The following KCNMA1 variants were observed in gnomAD, a reference collection of about 807,000 sequenced individuals.
KCNMA1 encodes the protein potassium calcium-activated channel subfamily M alpha 1.
In KCNMA1, 29 loss-of-function variants were observed where a neutral mutation model predicts 140.0. The ratio of observed to expected loss-of-function variants is 0.21; its 90% CI spans 0.15 to 0.28. KCNMA1 has a LOEUF of 0.28. Ranked by LOEUF, KCNMA1 falls within the 10% of genes least tolerant of loss-of-function variation. The pLI, the probability that KCNMA1 is intolerant of heterozygous loss-of-function variation, is 1.00. For synonymous variants in KCNMA1, 612 were observed against 611.9 expected (o/e 1.00, Z 0.00); for missense variants, 880 against 1,602.2 (o/e 0.55, Z 7.70).
At chr10:77,472,098 C>T (rs1009769874) in intron 1 of KCNMA1, among the ~76,000 whole-genome samples, 1 of 150,572 alleles carries the variant, frequency 6.6e-6, no homozygotes, top group African/African-American at 2.4e-5. Flanking sequence ...ACACACACCA[C>T]ATAAATACCC....
intron 2 of KCNMA1, among the ~76,000 whole-genome samples, chr10:77,298,003 C>T (rs1224953653): frequency 2.6e-5 from 4 of 152,120 alleles, no homozygotes; most frequent in African/African-American, 9.7e-5. Context: ...ATTTACTTTG[C>T]CTTTTCCTCA....
intron 18 of KCNMA1, among the ~76,000 whole-genome samples, chr10:77,005,832 A>G (rs549241414): frequency 2.0e-5 from 3 of 152,356 alleles, no homozygotes; most frequent in Admixed American, 2.0e-4. Context: ...CCTAATGGAC[A>G]TCATCAAAAC....
chr10:76,877,663 C>T, downstream of KCNMA1: 1 of 1,385,904 alleles, frequency 7.2e-7, no homozygotes, highest in South Asian at 1.3e-5. Context: ...AGTGATTCAG[C>T]ATGTAAGAAG....
intron 20 of KCNMA1, 68 bp from the exon 21 acceptor site, chr10:76,953,992 G>A (rs1319393505): frequency 5.9e-6 from 9 of 1,522,662 alleles, no homozygotes; most frequent in Non-Finnish European, 8.1e-6. Flanking sequence ...AGTGCCCCCT[G>A]AATTACATCT....
At chr10:77,325,553 G>A (rs1395587443) in intron 2 of KCNMA1, among the ~76,000 whole-genome samples, 1 of 152,176 alleles carries the variant, frequency 6.6e-6, no homozygotes, top group East Asian at 1.9e-4. Context: ...TAGGCAAGGA[G>A]GGAGGATGAC....
intron 1 of KCNMA1, among the ~76,000 whole-genome samples, chr10:77,516,508 G>A (rs559765241): frequency 6.6e-6 from 1 of 152,248 alleles, no homozygotes; most frequent in Non-Finnish European, 1.5e-5. Context: ...TATGCCCGGT[G>A]CAGAGGACAG....
In KCNMA1 at chr10:76,944,760, AG is replaced by A. The variant is rs1467694114; in HGVS notation, c.2902+12del. On this transcript the variant is annotated intron_variant, in intron 23 of 27. Transcript: ENST00000286628. ...TGCAGGCACAGCAAAGAAGTATTACAGGCTGTCCTTACCTTGGGAATTAGCC... is the reference window on the plus strand; with the variant it reads ...TGCAGGCACAGCAAAGAAGTATTACAGCTGTCCTTACCTTGGGAATTAGCC... 1.9e-6 allele frequency: 3 copies of A among 1,612,392 alleles called. No homozygotes were observed. Among genetic ancestry groups the A allele is most frequent in the South Asian group, 2.2e-5 (2 of 91,032 alleles).
intron 6 of KCNMA1, among the ~76,000 whole-genome samples, chr10:77,114,378 C>A (rs1254642363): frequency 6.6e-6 from 1 of 152,170 alleles, no homozygotes; most frequent in Non-Finnish European, 1.5e-5. Context: ...TGTTCAGTCC[C>A]ACTGGGGTAT....
intron 3 of KCNMA1, among the ~76,000 whole-genome samples, chr10:77,195,885 G>C (rs908397347): frequency 6.6e-6 from 1 of 152,194 alleles, no homozygotes; most frequent in Admixed American, 6.5e-5. Flanking sequence ...GGTGGTAGAG[G>C]TTGCAGTGAG....
At chr10:77,325,779 A>G (rs911251518) in intron 2 of KCNMA1, among the ~76,000 whole-genome samples, 1 of 152,110 alleles carries the variant, frequency 6.6e-6, no homozygotes, top group Non-Finnish European at 1.5e-5. Context: ...TCGCCATACC[A>G]TTCTCCACAG....
chr10:77,492,146 G>C lies in KCNMA1; in HGVS notation c.379-88123C>G, dbSNP rs11594764. Reference sequence around the variant, plus strand: ...AACCTTCAGTGCTTGCCGACAGAGTGCAGGTGAAAATCCACACTGCTAATG... The same window carrying C: ...AACCTTCAGTGCTTGCCGACAGAGTCCAGGTGAAAATCCACACTGCTAATG... On this transcript the variant is annotated intron_variant, in intron 1 of 27. Coordinates refer to ENST00000286628, the MANE Select transcript of KCNMA1 (RefSeq NM_001161352.2). Among the ~76,000 whole-genome samples the C allele has an allele frequency of 5.9e-3, 901 of 152,314 alleles. 5 individuals are homozygous for C. The highest frequency in any genetic ancestry group is 0.01 in the Non-Finnish European group (688 of 68,030).
At position 77,491,750 on chromosome 10, in the gene KCNMA1, CA is replaced by C. The variant is rs1441320082; in HGVS notation, c.379-87728del. On this transcript the variant is annotated intron_variant, in intron 1 of 27. Transcript: ENST00000286628. ...ACACACACACACACACACACACACA[CA>C]CACCCTACATATACCACCAGGGAGT... Among the ~76,000 whole-genome samples the C allele has an allele frequency of 2.6e-4, 38 of 148,588 alleles. No individual in the cohort carries two copies. The East Asian group carries it at 4.3e-3, about 17-fold the overall frequency.
At chr10:77,359,288 G>GAAACGAGTGTGTCGGTATGTGTGTGA (rs2093750077) in intron 2 of KCNMA1, among the ~76,000 whole-genome samples, 1 of 152,188 alleles carries the variant, frequency 6.6e-6, no homozygotes, top group East Asian at 1.9e-4. Flanking sequence ...CCAGGAAGAA[G>GAAACGAGTGTGTCGGTATGTGTGTGA]AAACGAGTGT....
chr10:77,354,977 CA>C (rs776745740), intron 2 of KCNMA1, among the ~76,000 whole-genome samples: 14 of 152,174 alleles, frequency 9.2e-5, no homozygotes, highest in Non-Finnish European at 1.5e-4. Flanking sequence ...TGTCCCCACC[CA>C]AATCTCATCT....
chr10:77,348,263 T>C (rs111962967), intron 2 of KCNMA1, among the ~76,000 whole-genome samples: 3,872 of 152,312 alleles, frequency 0.025, 154 homozygotes, highest in African/African-American at 0.088. Flanking sequence ...CGATTCGAGA[T>C]GTACCAAGTC....
At chr10:77,505,435 C>T (rs1294114227) in intron 1 of KCNMA1, among the ~76,000 whole-genome samples, 1 of 152,196 alleles carries the variant, frequency 6.6e-6, no homozygotes, top group Non-Finnish European at 1.5e-5. Context: ...TTCCAAAAAC[C>T]CTAACAGAAG....
downstream of KCNMA1, among the ~76,000 whole-genome samples, chr10:76,880,215 C>T (rs1457949944): frequency 2.6e-5 from 4 of 152,082 alleles, no homozygotes; most frequent in Admixed American, 1.3e-4. Context: ...TGACCTTTCG[C>T]GGCAGAGAGA....
chr10:77,409,413 G>A (rs534043821), intron 1 of KCNMA1, among the ~76,000 whole-genome samples: 17 of 152,292 alleles, frequency 1.1e-4, no homozygotes, highest in African/African-American at 2.2e-4. Flanking sequence ...GGTGACCACC[G>A]GGCCAGGAAG....
intron 9 of KCNMA1, among the ~76,000 whole-genome samples, chr10:77,106,268 A>C (rs75622073): frequency 6.6e-6 from 1 of 152,198 alleles, no homozygotes; most frequent in African/African-American, 2.4e-5. Context: ...AAGAAAAAAA[A>C]GAGAAAGAGA....
Sources: allele counts gnomAD v4.1 joint callset (sites outside exome capture counted in the v4.1 genomes callset), GRCh38; gene constraint gnomAD v4.1.1; transcripts MANE v1.5; gene names NCBI Gene and HGNC (gene_info 2026-07-23, HGNC 2026-07-21).